Variants in RBFOX1 observed in about 807,000 individuals in gnomAD.
RBFOX1 encodes RNA binding fox-1 homolog 1, also known as RNA binding protein fox-1 homolog 1.
In RBFOX1, 8 loss-of-function variants were observed where a neutral mutation model predicts 57.7. The observed-to-expected ratio is 0.14, with a 90% CI of 0.08 to 0.25. RBFOX1 has a LOEUF of 0.25. Ranked by LOEUF, RBFOX1 falls within the 10% of genes least tolerant of loss-of-function variation. The pLI is 1.00. For synonymous variants in RBFOX1, 326 were observed against 222.4 expected (o/e 1.47, Z -4.15); for missense variants, 611 against 548.5 (o/e 1.11, Z -1.14).
At chr16:5,688,126 C>T (rs962602191) in intron 3 of RBFOX1, among the ~76,000 whole-genome samples, 1 of 152,132 alleles carries the variant, frequency 6.6e-6, no homozygotes, top group Admixed American at 6.6e-5. Flanking sequence ...TCTTGTAGTT[C>T]TAAGGAGAAG....
chr16:7,366,295 C>G (rs2097445605), intron 4 of RBFOX1, among the ~76,000 whole-genome samples: 1 of 152,236 alleles, frequency 6.6e-6, no homozygotes, highest in Admixed American at 6.5e-5. Context: ...GAGAATGTCA[C>G]TTAGCCATTG....
chr16:6,880,264 C>G (rs547046589), intron 3 of RBFOX1, among the ~76,000 whole-genome samples: 7 of 152,172 alleles, frequency 4.6e-5, no homozygotes, highest in Non-Finnish European at 7.4e-5. Context: ...CAGAGTTAAC[C>G]TTGGGGAAAA....
intron 3 of RBFOX1, among the ~76,000 whole-genome samples, chr16:6,932,759 T>C (rs1234738443): frequency 6.6e-6 from 1 of 152,228 alleles, no homozygotes; most frequent in Admixed American, 6.5e-5. Context: ...ATGTAAAATT[T>C]ACCATTTTAA....
At chr16:6,898,815 T>C (rs1303876146) in intron 3 of RBFOX1, among the ~76,000 whole-genome samples, 1 of 151,966 alleles carries the variant, frequency 6.6e-6, no homozygotes, top group Non-Finnish European at 1.5e-5. Context: ...AACGTGCATG[T>C]GTATAATACA....
At chr16:6,184,726 ATT>A (rs67673371) in intron 1 of RBFOX1, among the ~76,000 whole-genome samples, 8 of 145,760 alleles carry the variant, frequency 5.5e-5, no homozygotes, top group Admixed American at 1.4e-4. Context: ...TGCCTGGCTC[ATT>A]TTTTTTTTTT....
At chr16:7,542,431 G>A (rs1259161406) in intron 5 of RBFOX1, among the ~76,000 whole-genome samples, 3 of 151,982 alleles carry the variant, frequency 2.0e-5, no homozygotes, top group Non-Finnish European at 2.9e-5. Context: ...TTACCCAAAC[G>A]GGTGCAAGTG....
rs1312192489 is a variant in RBFOX1 at position 6,557,125 on chromosome 16, A to C, written c.-63-97478A>C. 2.1e-5 allele frequency among the ~76,000 whole-genome samples: 3 copies of C among 141,382 alleles called. No homozygotes were observed. In the East Asian group the frequency reaches 5.8e-4, roughly 27 times the overall value. 92.8% of individuals were successfully genotyped at this position (141,382 alleles called of 152,430 possible). On this transcript the variant is annotated intron_variant, in intron 2 of 15. Transcript: ENST00000550418. The stretch of plus-strand genomic sequence containing the variant: ...TACATACATATATACATATATACAT[A>C]CATATACATATATACATATATACAC...
At chr16:5,380,985 A>AT (rs907934278) in intron 1 of RBFOX1, among the ~76,000 whole-genome samples, 36 of 152,258 alleles carry the variant, frequency 2.4e-4, no homozygotes, top group South Asian at 8.3e-4. Flanking sequence ...AAAGATCTGG[A>AT]TTTTTTTTAT....
intron 2 of RBFOX1, among the ~76,000 whole-genome samples, chr16:6,566,034 G>C (rs992943556): frequency 6.6e-6 from 1 of 152,092 alleles, no homozygotes; most frequent in Non-Finnish European, 1.5e-5. Flanking sequence ...CCTCTTCTGC[G>C]ATTACCAGGA....
chr16:6,106,507 ATAAAGAATAGTACTGCG>A (rs1250199498), intron 1 of RBFOX1, among the ~76,000 whole-genome samples: 1 of 151,158 alleles, frequency 6.6e-6, no homozygotes, highest in Non-Finnish European at 1.5e-5. Flanking sequence ...GCTCTTATAA[ATAAAGAATAGTACTGCG>A]TTAGCACATA....
chr16:7,361,020 C>T (rs548441487), intron 4 of RBFOX1, among the ~76,000 whole-genome samples: 1 of 152,174 alleles, frequency 6.6e-6, no homozygotes, highest in African/African-American at 2.4e-5. Flanking sequence ...TGGGAATCAA[C>T]CCAACCAGGA....
At chr16:7,398,956 A>G (rs1245624480) in intron 4 of RBFOX1, among the ~76,000 whole-genome samples, 1 of 152,202 alleles carries the variant, frequency 6.6e-6, no homozygotes, top group Non-Finnish European at 1.5e-5. Context: ...CTCTCTTCCA[A>G]TTGGGAGGCA....
rs370403385 is a variant in RBFOX1, at chr16:6,171,812, T to TTTTATTTATTTATTTATTTATTTA, written c.-126-145161_-126-145160insTATTTATTTATTTATTTATTTATT. Among the ~76,000 whole-genome samples, 405 of 151,524 alleles carry TTTTATTTATTTATTTATTTATTTA rather than the reference T, an allele frequency of 2.7e-3. 1 individual carries two copies. The highest frequency in any genetic ancestry group is 7.8e-3 in the East Asian group (40 of 5,156). ...CTTGGCTGTTTTTATCTTATTTTTA[T>TTTTATTTATTTATTTATTTATTTA]TTTATTTATTTATTTATTTATTCTT... On this transcript the variant is annotated intron_variant, in intron 1 of 15. Transcript: ENST00000550418.
At chr16:7,388,789 ATGTAGG>A (rs2097932584) in intron 4 of RBFOX1, among the ~76,000 whole-genome samples, 1 of 151,910 alleles carries the variant, frequency 6.6e-6, no homozygotes, top group African/African-American at 2.4e-5. Context: ...GTTTGTCCAA[ATGTAGG>A]CTAATATAAG....
chr16:7,189,481 G>GAGCC (rs148097233), intron 4 of RBFOX1, among the ~76,000 whole-genome samples: 4 of 140,618 alleles, frequency 2.8e-5, no homozygotes, highest in African/African-American at 1.1e-4. Context: ...CTCATAGGGA[G>GAGCC]ACCCACACTG....
chr16:6,338,558 A>AT, intron 2 of RBFOX1, among the ~76,000 whole-genome samples: 3 of 152,312 alleles, frequency 2.0e-5, no homozygotes, highest in Middle Eastern at 6.8e-3. Flanking sequence ...GGACTAAAAT[A>AT]TTTTTTTAAA....
intron 4 of RBFOX1, among the ~76,000 whole-genome samples, chr16:7,351,753 T>G (rs1212090876): frequency 6.6e-6 from 1 of 152,200 alleles, no homozygotes; most frequent in African/African-American, 2.4e-5. Context: ...GCTGACTTAC[T>G]GTGGTACAAG....
chr16:7,438,365 G>A (rs1598418442), intron 4 of RBFOX1, among the ~76,000 whole-genome samples: 1 of 152,160 alleles, frequency 6.6e-6, no homozygotes, highest in Non-Finnish European at 1.5e-5. Flanking sequence ...GTCCTCTGGG[G>A]CCACGGTGAG....
At chr16:7,497,229 C>A (rs141487076) in intron 4 of RBFOX1, among the ~76,000 whole-genome samples, 1 of 152,166 alleles carries the variant, frequency 6.6e-6, no homozygotes, top group Non-Finnish European at 1.5e-5. Flanking sequence ...TATTTTCTAG[C>A]CCCAGTTCCT....
Sources: gnomAD v4.1 joint callset for allele counts (sites outside exome capture counted in the v4.1 genomes callset) on GRCh38, gnomAD v4.1.1 for gene constraint, MANE v1.5 for transcripts, NCBI Gene and HGNC (gene_info 2026-07-23, HGNC 2026-07-21) for gene names.